The following MARCHF1 variants were observed in gnomAD, a reference collection of about 807,000 sequenced individuals.
MARCHF1 encodes the protein membrane associated ring-CH-type finger 1.
MARCHF1 carries 40 observed loss-of-function variants against 54.2 expected under a neutral mutation model. That is an observed-to-expected ratio of 0.74 (90% confidence interval 0.57 to 0.96). MARCHF1 has a LOEUF of 0.96. Ranked by LOEUF, MARCHF1 falls within the 40% of genes least tolerant of loss-of-function variation. MARCHF1 has a pLI of 0.00. For missense variants in MARCHF1, 586 were observed against 656.5 expected, an observed-to-expected ratio of 0.89 and a Z score of 1.17; for synonymous variants, 236 against 236.3, an observed-to-expected ratio of 1.00 and a Z score of 0.01.
intron 1 of MARCHF1, chr4:164,330,226 T>C (rs774059322): frequency 1.1e-4 from 17 of 151,866 alleles, no homozygotes; most frequent in Admixed American, 3.3e-4. Flanking sequence ...CCTGCAAACC[T>C]TGTCACCTAG....
At chr4:163,548,309 A>C (rs953990109) in intron 8 of MARCHF1, among the ~76,000 whole-genome samples, 3 of 152,254 alleles carry the variant, frequency 2.0e-5, no homozygotes, top group Admixed American at 2.0e-4. Context: ...AGTGGATAGA[A>C]TACTTGCAGT....
chr4:164,348,919 T>C (rs981838600), intron 1 of MARCHF1, among the ~76,000 whole-genome samples: 3 of 152,158 alleles, frequency 2.0e-5, no homozygotes, highest in Admixed American at 6.5e-5. Context: ...GAGTGTCTCA[T>C]ACTCTAGTGA....
intron 4 of MARCHF1, among the ~76,000 whole-genome samples, chr4:163,714,421 T>A (rs922546256): frequency 1.3e-5 from 2 of 152,262 alleles, no homozygotes; most frequent in Non-Finnish European, 2.9e-5. Flanking sequence ...TTACTGCTAA[T>A]GAAATCAGTT....
intron 5 of MARCHF1, among the ~76,000 whole-genome samples, chr4:163,678,263 C>T (rs1303643411): frequency 1.3e-5 from 2 of 152,120 alleles, no homozygotes; most frequent in African/African-American, 4.8e-5. Context: ...TTAAAGCAAT[C>T]GCCATCTCAG....
intron 2 of MARCHF1, among the ~76,000 whole-genome samples, chr4:164,109,931 A>AAAAAAAAAAAAAAT: frequency 1.3e-5 from 2 of 149,870 alleles, no homozygotes; most frequent in Non-Finnish European, 1.5e-5. Context: ...AAAAAAAAAA[A>AAAAAAAAAAAAAAT]AAAAAGAAAA....
chr4:163,795,491 A>G (rs1180306060), intron 4 of MARCHF1, among the ~76,000 whole-genome samples: 1 of 152,210 alleles, frequency 6.6e-6, no homozygotes, highest in Non-Finnish European at 1.5e-5. Flanking sequence ...TGGCCTCCCA[A>G]TGTGCTGGGA....
chr4:163,615,210 G>C (rs1052400061), intron 5 of MARCHF1, among the ~76,000 whole-genome samples: 10 of 152,066 alleles, frequency 6.6e-5, no homozygotes, highest in Non-Finnish European at 5.9e-5. Flanking sequence ...TGATCCCTAT[G>C]ATAGTAGTTA....
At chr4:164,219,325 GCTT>G (rs747308940) in intron 1 of MARCHF1, among the ~76,000 whole-genome samples, 1 of 152,070 alleles carries the variant, frequency 6.6e-6, no homozygotes, top group Non-Finnish European at 1.5e-5. Flanking sequence ...CTCACTAGTT[GCTT>G]CTTATCCAAT....
intron 1 of MARCHF1, among the ~76,000 whole-genome samples, chr4:164,190,748 T>C (rs1322652489): frequency 6.6e-6 from 1 of 152,208 alleles, no homozygotes; most frequent in East Asian, 1.9e-4. Flanking sequence ...TGTCCAACTT[T>C]TGACTGTTGA....
In MARCHF1 at chr4:164,268,233, C is replaced by G. The variant is rs562198918; in HGVS notation, c.-323+115637G>C. Among the ~76,000 whole-genome samples, 5 of 152,174 alleles carry G rather than the reference C, an allele frequency of 3.3e-5. No individual in the cohort carries two copies. The South Asian group carries it at 1.0e-3, about 32-fold the overall frequency. ...AAGGAATCAAAACTATGAGTAAAGA[C>G]CAAGACAATTGTGCTGGATGGCCAC... On this transcript the variant is annotated intron_variant, in intron 1 of 9. Coordinates refer to ENST00000514618, the MANE Select transcript of MARCHF1 (RefSeq NM_001394959.1).
At chr4:163,640,052 A>C (rs913183630) in intron 5 of MARCHF1, among the ~76,000 whole-genome samples, 2 of 152,132 alleles carry the variant, frequency 1.3e-5, no homozygotes, top group Non-Finnish European at 2.9e-5. Flanking sequence ...TGCATTTTTA[A>C]AATGAGATTT....
At chr4:164,088,798 G>A (rs1376675762) in intron 2 of MARCHF1, among the ~76,000 whole-genome samples, 2 of 151,924 alleles carry the variant, frequency 1.3e-5, no homozygotes, top group Admixed American at 1.3e-4. Flanking sequence ...AAATCCAAAA[G>A]ACAACTTAAT....
intron 3 of MARCHF1, among the ~76,000 whole-genome samples, chr4:163,871,100 A>G (rs1304544890): frequency 6.6e-6 from 1 of 152,206 alleles, no homozygotes; most frequent in African/African-American, 2.4e-5. Flanking sequence ...GTACACCATT[A>G]ATATGTACAA....
intron 1 of MARCHF1, among the ~76,000 whole-genome samples, chr4:164,241,121 C>CT (rs1482031272): frequency 2.5e-4 from 38 of 152,250 alleles, no homozygotes; most frequent in African/African-American, 9.1e-4. Flanking sequence ...ACCCATGAAT[C>CT]GTACCAAGGA....
intron 4 of MARCHF1, among the ~76,000 whole-genome samples, chr4:163,742,118 T>C (rs1366327230): frequency 6.6e-6 from 1 of 152,258 alleles, no homozygotes; most frequent in East Asian, 1.9e-4. Context: ...ATTTTTTTTA[T>C]GATGGTGCAT....
At chr4:164,180,483 C>A (rs774734557) in intron 1 of MARCHF1, among the ~76,000 whole-genome samples, 6 of 152,100 alleles carry the variant, frequency 3.9e-5, no homozygotes, top group Non-Finnish European at 8.8e-5. Flanking sequence ...GTTGCATTGA[C>A]TGAAAATTAT....
At chr4:163,783,004 G>C (rs781430465) in intron 4 of MARCHF1, among the ~76,000 whole-genome samples, 2 of 152,180 alleles carry the variant, frequency 1.3e-5, no homozygotes, top group Non-Finnish European at 2.9e-5. Context: ...CAAGGACAAA[G>C]AAACAAAATT....
intron 1 of MARCHF1, among the ~76,000 whole-genome samples, chr4:164,308,834 GA>G (rs774435002): frequency 1.3e-5 from 2 of 151,214 alleles, no homozygotes; most frequent in East Asian, 3.9e-4. Flanking sequence ...GAGAAAAGCA[GA>G]AAAAAATAAC....
chr4:164,058,975 G>T (rs1343306756), intron 2 of MARCHF1, among the ~76,000 whole-genome samples: 2 of 152,154 alleles, frequency 1.3e-5, no homozygotes, highest in Non-Finnish European at 2.9e-5. Flanking sequence ...GTTAAAGTCT[G>T]GCTTGGCATA....
Sources: allele counts gnomAD v4.1 joint callset (sites outside exome capture counted in the v4.1 genomes callset), GRCh38; gene constraint gnomAD v4.1.1; transcripts MANE v1.5; gene names NCBI Gene and HGNC (gene_info 2026-07-23, HGNC 2026-07-21).